Variants in TOP1MT observed in about 807,000 individuals in gnomAD.
TOP1MT encodes the protein DNA topoisomerase I, mitochondrial.
In TOP1MT, 80 loss-of-function variants were observed where a neutral mutation model predicts 73.9. The ratio of observed to expected loss-of-function variants is 1.08; its 90% CI spans 0.90 to 1.30. The LOEUF is 1.30. Ranked by LOEUF, TOP1MT falls within the 50% of genes most tolerant of loss-of-function variation. The pLI is 0.00. For missense variants in TOP1MT, 815 were observed against 808.0 expected (o/e 1.01, Z -0.10); for synonymous variants, 338 against 326.4 (o/e 1.04, Z -0.38).
At chr8:143,324,676 T>C in intron 5 of TOP1MT, 47 bp from the exon 6 acceptor site, 1 of 1,593,058 alleles carries the variant, frequency 6.3e-7, no homozygotes, top group South Asian at 1.1e-5. Context: ...CCTTATTCTC[T>C]GGAATGCAAG....
intron 1 of TOP1MT, chr8:143,332,499 G>A: frequency 7.8e-7 from 1 of 1,289,372 alleles, no homozygotes; most frequent in South Asian, 1.2e-5. Flanking sequence ...GCCAGAGCCA[G>A]GAGACCTGCA....
upstream of TOP1MT, among the ~76,000 whole-genome samples, chr8:143,336,241 C>T (rs535878357): frequency 6.6e-6 from 1 of 152,210 alleles, no homozygotes; most frequent in Non-Finnish European, 1.5e-5. Flanking sequence ...GGCTCAAGTA[C>T]CTTGGCCTCC....
intron 9 of TOP1MT, 32 bp from the exon 10 acceptor site, chr8:143,317,869 G>T: frequency 6.2e-7 from 1 of 1,608,610 alleles, no homozygotes; most frequent in African/African-American, 1.3e-5. Context: ...ATAATTACGT[G>T]GTTTTGCGGG....
upstream of TOP1MT, chr8:143,334,925 C>A (rs1376282909): frequency 3.1e-6 from 4 of 1,292,908 alleles, no homozygotes; most frequent in South Asian, 2.4e-5. Context: ...CCGCCCCGCC[C>A]CCAGCGGCCA....
At chr8:143,321,779 C>A (rs1416269703) in intron 7 of TOP1MT, among the ~76,000 whole-genome samples, 1 of 115,374 alleles carries the variant, frequency 8.7e-6, no homozygotes, top group Non-Finnish European at 1.8e-5. Context: ...CACACACACG[C>A]ACGCCACACA....
intron 5 of TOP1MT, 102 bp from the exon 6 acceptor site, chr8:143,324,731 T>C: frequency 7.1e-7 from 1 of 1,416,468 alleles, no homozygotes; most frequent in Non-Finnish European, 9.6e-7. Context: ...GTGGCTATGG[T>C]GGTGGCATGG....
At chr8:143,324,994 T>C (rs7386111) in intron 5 of TOP1MT, among the ~76,000 whole-genome samples, 135,043 of 152,238 alleles carry the variant, frequency 0.89, 60,087 homozygotes, top group African/African-American at 0.97. Flanking sequence ...CAGTACAACA[T>C]GTGGCCCAGC....
chr8:143,342,416 CAG>C (rs1251543742), intron 2 of TOP1MT, among the ~76,000 whole-genome samples: 2 of 121,244 alleles, frequency 1.6e-5, no homozygotes, highest in African/African-American at 4.2e-5. Flanking sequence ...TTATTAGAGA[CAG>C]AGTCTCGCTC....
At chr8:143,325,668 T>C (rs1816688099) in intron 4 of TOP1MT, 135 bp from the exon 5 acceptor site, 1 of 828,930 alleles carries the variant, frequency 1.2e-6, no homozygotes, top group Non-Finnish European at 1.9e-6. Flanking sequence ...TCACAATCCA[T>C]GGAGGTTGCA....
chr8:143,322,102 C>T (rs368499746), intron 7 of TOP1MT, among the ~76,000 whole-genome samples: 32 of 115,246 alleles, frequency 2.8e-4, no homozygotes, highest in African/African-American at 9.7e-4. Flanking sequence ...CAAACACGCA[C>T]GCCACACATG....
Position 143,326,232 on chromosome 8 carries a change from T to C in TOP1MT, c.473A>G (p.Glu158Gly). 1 of 1,613,882 alleles carries C rather than the reference T, an allele frequency of 6.2e-7. No individual in the cohort carries two copies. Among genetic ancestry groups the C allele is most frequent in the Non-Finnish European group, 8.5e-7 (1 of 1,180,006 alleles). Residue 158 changes from glutamate (E) to glycine (G), a missense_variant, in exon 4 of 14, where the codon GAG (glutamate) becomes GGG (glycine). Coordinates refer to ENST00000329245, the MANE Select transcript of TOP1MT (RefSeq NM_052963.3). Reference sequence around the variant, plus strand: ...TCGAGGCAGCCCAACCTGCTTCTCCTCCCTGCTCAGGACTTTCCGGGCTGC... The same window carrying C: ...TCGAGGCAGCCCAACCTGCTTCTCCCCCCTGCTCAGGACTTTCCGGGCTGC... ...KAAARKVLSR[E>G]EKQKLKEEAE...
chr8:143,317,880 G>C, intron 9 of TOP1MT, 43 bp from the exon 10 acceptor site: 1 of 1,603,350 alleles, frequency 6.2e-7, no homozygotes, highest in African/African-American at 1.3e-5. Flanking sequence ...GTTTTGCGGG[G>C]CCGTCCCAGC....
intron 1 of TOP1MT, among the ~76,000 whole-genome samples, chr8:143,351,966 C>T (rs1030634828): frequency 2.0e-5 from 3 of 152,224 alleles, no homozygotes; most frequent in Non-Finnish European, 4.4e-5. Context: ...GCTGTAATCC[C>T]AGCTACTCAG....
At position 143,317,738 on chromosome 8, in the gene TOP1MT, G is replaced by A. The variant is rs767402481; in HGVS notation, c.1315C>T (p.Arg439Trp). 2.2e-5 allele frequency: 36 copies of A among 1,613,760 alleles called. No homozygotes were observed. Among genetic ancestry groups the A allele is most frequent in the South Asian group, 1.9e-4 (17 of 91,084 alleles). Residue 439 changes from arginine (R) to tryptophan (W), a missense_variant, in exon 10 of 14, where the codon CGG becomes TGG. Arg to Trp is a moderately radical substitution (Grantham distance 101). Coordinates refer to ENST00000329245, the MANE Select transcript of TOP1MT (RefSeq NM_052963.3). Reference sequence around the variant, plus strand: ...GCAGGCTCACCGCGCGTCAGGGCCCGCAGCTGCTCCTGCAGAGTGATGGAG... The same window carrying A: ...GCAGGCTCACCGCGCGTCAGGGCCCACAGCTGCTCCTGCAGAGTGATGGAG... Reference protein sequence around the residue: ...NASITLQEQLRALTRAEDSIA... With the variant: ...NASITLQEQLWALTRAEDSIA...
chr8:143,351,175 T>C (rs1817314054), intron 1 of TOP1MT, among the ~76,000 whole-genome samples: 1 of 152,178 alleles, frequency 6.6e-6, no homozygotes, highest in Non-Finnish European at 1.5e-5. Context: ...CCCACATCTT[T>C]GTTGTATTTG....
chr8:143,333,334 G>A (rs1816910719), intron 1 of TOP1MT, among the ~76,000 whole-genome samples: 1 of 152,184 alleles, frequency 6.6e-6, no homozygotes, highest in South Asian at 2.1e-4. Context: ...TGTAATCCCA[G>A]CTACTCAAGG....
In TOP1MT at chr8:143,325,492, G is replaced by A. The variant is rs1816682358; in HGVS notation, c.525C>T (p.Gly175=). 1.2e-6 allele frequency: 2 copies of A among 1,611,306 alleles called. No individual in the cohort carries two copies. The highest frequency in any genetic ancestry group is 1.7e-6 in the Non-Finnish European group (2 of 1,177,730). Reference sequence around the variant, plus strand: ...CTTGGTGACCATCTAAAATACAGTAGCCGAACTCTTGCTGAAGTTTTTCTG... The same window carrying A: ...CTTGGTGACCATCTAAAATACAGTAACCGAACTCTTGCTGAAGTTTTTCTG... The part of the protein sequence containing the change: ...EEAEKLQQEF[G]YCILDGHQEK... Residue 175 remains glycine (G), a synonymous_variant, in exon 5 of 14, where the codon GGC becomes GGT. Coordinates refer to ENST00000329245, the MANE Select transcript of TOP1MT (RefSeq NM_052963.3).
At chr8:143,315,084 T>G (rs1816118689) in intron 12 of TOP1MT, among the ~76,000 whole-genome samples, 1 of 152,076 alleles carries the variant, frequency 6.6e-6, no homozygotes, top group Admixed American at 6.5e-5. Flanking sequence ...CACCTGCCAC[T>G]TAGCAGACCG....
intron 1 of TOP1MT, among the ~76,000 whole-genome samples, chr8:143,332,078 G>A (rs921594440): frequency 1.3e-5 from 2 of 152,084 alleles, no homozygotes; most frequent in East Asian, 3.9e-4. Context: ...TGGAGGGGGT[G>A]GGGGGACACA....
Sources: gnomAD v4.1 joint callset for allele counts (sites outside exome capture counted in the v4.1 genomes callset) on GRCh38, gnomAD v4.1.1 for gene constraint, MANE v1.5 for transcripts, NCBI Gene and HGNC (gene_info 2026-07-23, HGNC 2026-07-21) for gene names.